The following MEI4 variants were observed in gnomAD, a reference collection of about 807,000 sequenced individuals.
MEI4 encodes the protein meiosis-specific protein MEI4.
Under a neutral mutation model 31.4 loss-of-function variants are expected in MEI4, and 27 were observed. That is an observed-to-expected ratio of 0.86 (90% CI 0.63 to 1.19). The LOEUF (loss-of-function observed/expected upper bound fraction) is 1.19. MEI4 is among the 50% of genes most tolerant of loss of function. The probability of loss-of-function intolerance (pLI) is 0.00; values close to 1 mark genes in which losing one functional copy is unlikely to be tolerated. For synonymous variants in MEI4, 122 were observed against 145.4 expected, an observed-to-expected ratio of 0.84 and a Z score of 1.16; for missense variants, 329 against 398.9, an observed-to-expected ratio of 0.82 and a Z score of 1.49.
chr6:77,815,410 T>C (rs1769666353), intron 3 of MEI4, among the ~76,000 whole-genome samples: 1 of 152,148 alleles, frequency 6.6e-6, no homozygotes, highest in Admixed American at 6.6e-5. Flanking sequence ...TAACATTAAA[T>C]CATAATTTAA....
At position 77,880,924 on chromosome 6, in the gene MEI4, A is replaced by T. The variant is rs182464283; in HGVS notation, c.901-42165A>T. On this transcript the variant is annotated intron_variant, in intron 4 of 4. Coordinates refer to ENST00000684080, the MANE Select transcript of MEI4 (RefSeq NM_001322247.2). ...TTAGGTTCTACATATAGAAAATCAG[A>T]TATATTTTATATGGTTTTAAATTAA... Among the ~76,000 whole-genome samples, 86 of 152,184 alleles carry T rather than the reference A, an allele frequency of 5.7e-4. 1 individual carries two copies. Among genetic ancestry groups the T allele is most frequent in the South Asian group, 1.0e-3 (5 of 4,830 alleles).
At chr6:77,753,197 G>T (rs954650398) in intron 2 of MEI4, among the ~76,000 whole-genome samples, 6 of 152,276 alleles carry the variant, frequency 3.9e-5, no homozygotes, top group African/African-American at 1.2e-4. Flanking sequence ...CATGGGCAAA[G>T]ACTTCATGAC....
At chr6:77,913,368 T>C (rs770869825) in intron 4 of MEI4, among the ~76,000 whole-genome samples, 1 of 152,124 alleles carries the variant, frequency 6.6e-6, no homozygotes, top group Non-Finnish European at 1.5e-5. Context: ...ATTTGTGTTA[T>C]TCTTTATAAG....
chr6:77,874,105 T>G (rs1771269060), intron 4 of MEI4, among the ~76,000 whole-genome samples: 1 of 152,206 alleles, frequency 6.6e-6, no homozygotes, highest in Non-Finnish European at 1.5e-5. Flanking sequence ...TTTGGTTCCA[T>G]ATGAACTTTA....
chr6:77,811,139 G>T (rs1203938511), intron 3 of MEI4, among the ~76,000 whole-genome samples: 1 of 152,062 alleles, frequency 6.6e-6, no homozygotes, highest in African/African-American at 2.4e-5. Flanking sequence ...TATATTTAAG[G>T]ACACACATGT....
chr6:77,703,525 A>G (rs943399318), intron 2 of MEI4, among the ~76,000 whole-genome samples: 23 of 152,212 alleles, frequency 1.5e-4, no homozygotes, highest in Admixed American at 6.5e-5. Flanking sequence ...TGCTATAACA[A>G]ATTGCAATCA....
chr6:77,865,291 G>T (rs1582231220), intron 4 of MEI4, among the ~76,000 whole-genome samples: 1 of 152,094 alleles, frequency 6.6e-6, no homozygotes, highest in Non-Finnish European at 1.5e-5. Flanking sequence ...ATGAATCCAG[G>T]AGCTGGTTTT....
intron 2 of MEI4, among the ~76,000 whole-genome samples, chr6:77,712,179 T>G (rs1377662920): frequency 6.6e-6 from 1 of 152,200 alleles, no homozygotes. Context: ...CTTTGTTTGT[T>G]TGCATATACA....
At chr6:77,744,671 A>T (rs916774459) in intron 2 of MEI4, among the ~76,000 whole-genome samples, 5 of 152,316 alleles carry the variant, frequency 3.3e-5, no homozygotes, top group Middle Eastern at 3.4e-3. Flanking sequence ...TAATTGTCAG[A>T]TTCACCAAAG....
rs142253008 is a variant in MEI4, at chr6:77,754,764, A to G, written c.233-6366A>G. Among the ~76,000 whole-genome samples the G allele has an allele frequency of 1.4e-3, 213 of 152,252 alleles. 1 individual carries two copies. The highest frequency in any genetic ancestry group is 4.5e-3 in the African/African-American group (187 of 41,554). On this transcript the variant is annotated intron_variant, in intron 2 of 4. Transcript: ENST00000684080. ...GAACCCACAATCATGGTGGAAGGGA[A>G]AGCAGGCACTTCTTACATGCGGAGA...
At chr6:77,766,276 C>A (rs1768172357) in intron 3 of MEI4, among the ~76,000 whole-genome samples, 1 of 152,178 alleles carries the variant, frequency 6.6e-6, no homozygotes, top group Non-Finnish European at 1.5e-5. Flanking sequence ...TGCTATGTTG[C>A]ATCTCTGATA....
chr6:77,699,740 C>G (rs184144988), intron 2 of MEI4, among the ~76,000 whole-genome samples: 3 of 152,090 alleles, frequency 2.0e-5, no homozygotes, highest in Non-Finnish European at 4.4e-5. Flanking sequence ...ATGATGGTGA[C>G]GTACAGATGG....
chr6:77,810,942 A>G (rs1316040517), intron 3 of MEI4, among the ~76,000 whole-genome samples: 1 of 152,182 alleles, frequency 6.6e-6, no homozygotes, highest in East Asian at 1.9e-4. Flanking sequence ...AAAAGAAAAA[A>G]AAATCTATCT....
chr6:77,901,534 G>C (rs1766188677), intron 4 of MEI4, among the ~76,000 whole-genome samples: 2 of 151,846 alleles, frequency 1.3e-5, no homozygotes, highest in Non-Finnish European at 1.5e-5. Flanking sequence ...GTCTGTTCAG[G>C]TCCTTTGCCC....
intron 4 of MEI4, among the ~76,000 whole-genome samples, chr6:77,864,797 C>T (rs1024190338): frequency 6.6e-6 from 1 of 152,126 alleles, no homozygotes; most frequent in African/African-American, 2.4e-5. Flanking sequence ...AGCACCACAC[C>T]ACACCTATTC....
At chr6:77,678,903 T>C (rs979115030) in intron 1 of MEI4, among the ~76,000 whole-genome samples, 2 of 152,046 alleles carry the variant, frequency 1.3e-5, no homozygotes, top group Admixed American at 6.5e-5. Context: ...GTCTAGCTAA[T>C]GTATGTGATT....
At chr6:77,800,050 A>T (rs1769204226) in intron 3 of MEI4, among the ~76,000 whole-genome samples, 1 of 152,132 alleles carries the variant, frequency 6.6e-6, no homozygotes, top group Admixed American at 6.5e-5. Context: ...TGGTAGCTTG[A>T]TGGGGATGGC....
chr6:77,820,424 C>A lies in MEI4; in HGVS notation c.769-8507C>A, dbSNP rs573913684. On this transcript the variant is annotated intron_variant, in intron 3 of 4. Coordinates refer to ENST00000684080, the MANE Select transcript of MEI4 (RefSeq NM_001322247.2). The surrounding 1 kb of genome is among the most constrained non-coding windows in gnomAD (Gnocchi z 4.5). ...CTACAGGCACACGCCACCATGCCCC[C>A]CTGGCTAATTTTGTGTATTTTAGTA... Among the ~76,000 whole-genome samples the A allele has an allele frequency of 1.3e-5, 2 of 150,666 alleles. No individual in the cohort carries two copies. The highest frequency in any genetic ancestry group is 4.8e-5 in the African/African-American group (2 of 41,336).
In MEI4 at chr6:77,844,556, A is replaced by G. The variant is rs182980321; in HGVS notation, c.900+15494A>G. ...TATCAATTCAAAAGTTTTTATTGCA[A>G]ATTGAAATCTTTTTTGTTAAAGATG... On this transcript the variant is annotated intron_variant, in intron 4 of 4. Coordinates refer to ENST00000684080, the MANE Select transcript of MEI4 (RefSeq NM_001322247.2). Among the ~76,000 whole-genome samples, 350 of 152,262 alleles carry G rather than the reference A, an allele frequency of 2.3e-3. 3 individuals carry two copies. The highest frequency in any genetic ancestry group is 7.6e-3 in the African/African-American group (317 of 41,572).
Sources: gnomAD v4.1 joint callset for allele counts (sites outside exome capture counted in the v4.1 genomes callset) on GRCh38, gnomAD v4.1.1 for gene constraint, Gnocchi (gnomAD v3.1) non-coding constraint, MANE v1.5 for transcripts, NCBI Gene and HGNC (gene_info 2026-07-23, HGNC 2026-07-21) for gene names.